Variants in GRM1 observed in about 807,000 individuals in gnomAD.
GRM1 encodes the protein metabotropic glutamate receptor 1.
Under a neutral mutation model 90.9 loss-of-function variants are expected in GRM1, and 33 were observed. The observed-to-expected ratio is 0.36, with a 90% CI of 0.28 to 0.49. The LOEUF (loss-of-function observed/expected upper bound fraction) is 0.49, where lower values mean the gene tolerates loss of function less well. Ranked by LOEUF, GRM1 falls within the 20% of genes least tolerant of loss-of-function variation. The pLI is 0.99. For missense variants in GRM1, 1,190 were observed against 1,534.3 expected (o/e 0.78, Z 3.75); for synonymous variants, 700 against 613.2 (o/e 1.14, Z -2.09).
intron 1 of GRM1, among the ~76,000 whole-genome samples, chr6:146,078,161 T>C (rs11755334): frequency 0.38 from 57,958 of 152,066 alleles, 11,618 homozygotes; most frequent in Middle Eastern, 0.51. Flanking sequence ...AGAATTTTCA[T>C]ACGGGCTGGG....
chr6:146,076,326 C>T (rs1345253300), intron 1 of GRM1, among the ~76,000 whole-genome samples: 2 of 152,136 alleles, frequency 1.3e-5, no homozygotes, highest in East Asian at 1.9e-4. Flanking sequence ...GTCTTAAATG[C>T]TTCACTCTGT....
intron 6 of GRM1, among the ~76,000 whole-genome samples, chr6:146,397,318 C>CA (rs1484610245): frequency 1.3e-5 from 2 of 151,088 alleles, no homozygotes; most frequent in South Asian, 2.1e-4. Flanking sequence ...AGTAAAAATA[C>CA]AAAAAATTAG....
intron 1 of GRM1, among the ~76,000 whole-genome samples, chr6:146,121,226 G>A (rs564258755): frequency 2.6e-5 from 4 of 152,252 alleles, no homozygotes; most frequent in Non-Finnish European, 5.9e-5. Flanking sequence ...TATTTGCGTC[G>A]AGGTGTTTAT....
intron 2 of GRM1, among the ~76,000 whole-genome samples, chr6:146,301,006 A>G (rs188856384): frequency 1.3e-5 from 2 of 152,336 alleles, no homozygotes; most frequent in African/African-American, 2.4e-5. Context: ...AAGATGAAAC[A>G]CTTTGAAAGT....
chr6:146,042,629 G>A (rs1791157027), intron 1 of GRM1, among the ~76,000 whole-genome samples: 1 of 151,854 alleles, frequency 6.6e-6, no homozygotes, highest in Non-Finnish European at 1.5e-5. Context: ...ATTCAATGAG[G>A]GAAATGGAAA....
intron 1 of GRM1, among the ~76,000 whole-genome samples, chr6:146,061,888 T>C (rs1275034103): frequency 6.6e-6 from 1 of 152,052 alleles, no homozygotes; most frequent in Admixed American, 6.6e-5. Flanking sequence ...CACTTTTACA[T>C]TGTTGATGGG....
At chr6:146,192,520 C>T (rs6911869) in intron 2 of GRM1, among the ~76,000 whole-genome samples, 259 of 152,150 alleles carry the variant, frequency 1.7e-3, no homozygotes, top group African/African-American at 5.7e-3. Flanking sequence ...ATAAAATACC[C>T]GATATATGTA....
intron 1 of GRM1, among the ~76,000 whole-genome samples, chr6:146,051,506 C>T (rs1775289019): frequency 6.6e-6 from 1 of 152,116 alleles, no homozygotes; most frequent in Non-Finnish European, 1.5e-5. Context: ...CATCTAACTG[C>T]TCCCATCCCT....
intron 2 of GRM1, among the ~76,000 whole-genome samples, chr6:146,297,509 G>A (rs768343681): frequency 2.0e-5 from 3 of 152,018 alleles, no homozygotes; most frequent in African/African-American, 4.8e-5. Flanking sequence ...AATGCAAAAC[G>A]TCAGGGGATA....
At chr6:146,333,075 C>T (rs1352640429) in intron 3 of GRM1, among the ~76,000 whole-genome samples, 2 of 152,146 alleles carry the variant, frequency 1.3e-5, no homozygotes, top group African/African-American at 4.8e-5. Context: ...CACTTGAATA[C>T]TTGTCTGTGA....
At chr6:146,173,944 C>T (rs770566112) in intron 2 of GRM1, among the ~76,000 whole-genome samples, 2 of 152,066 alleles carry the variant, frequency 1.3e-5, no homozygotes, top group Admixed American at 6.5e-5. Context: ...GTGTGAGCCA[C>T]CGCACCTGGC....
chr6:146,035,307 A>G (rs78685025), intron 1 of GRM1, among the ~76,000 whole-genome samples: 2 of 152,144 alleles, frequency 1.3e-5, no homozygotes, highest in African/African-American at 4.8e-5. Flanking sequence ...TTTGGTTTCA[A>G]GAAAGATACA....
chr6:146,214,889 G>C (rs557511089), intron 2 of GRM1, among the ~76,000 whole-genome samples: 1 of 152,280 alleles, frequency 6.6e-6, no homozygotes, highest in South Asian at 2.1e-4. Context: ...AAAAAGCATG[G>C]TATTCCTGGG....
chr6:146,421,026 A>G (rs1777971570), intron 7 of GRM1, among the ~76,000 whole-genome samples: 1 of 152,180 alleles, frequency 6.6e-6, no homozygotes, highest in Non-Finnish European at 1.5e-5. Context: ...CCATAATAAA[A>G]AGTTAATTTT....
At chr6:146,422,629 A>G (rs1008210604) in intron 7 of GRM1, among the ~76,000 whole-genome samples, 5 of 152,208 alleles carry the variant, frequency 3.3e-5, no homozygotes, top group African/African-American at 1.2e-4. Context: ...TCCTGATTCA[A>G]TGTCCAGAGA....
chr6:146,083,107 A>G (rs1776419425), intron 1 of GRM1, among the ~76,000 whole-genome samples: 1 of 152,146 alleles, frequency 6.6e-6, no homozygotes, highest in Non-Finnish European at 1.5e-5. Context: ...ACTTTGCTGA[A>G]GTTGCTTATC....
intron 7 of GRM1, among the ~76,000 whole-genome samples, chr6:146,420,864 A>G (rs1399250072): frequency 1.3e-5 from 2 of 152,204 alleles, no homozygotes; most frequent in African/African-American, 4.8e-5. Context: ...AAAAAGGATG[A>G]TAGAATTGCA....
chr6:146,057,176 C>A (rs1269037233), intron 1 of GRM1, among the ~76,000 whole-genome samples: 2 of 152,116 alleles, frequency 1.3e-5, no homozygotes, highest in African/African-American at 4.8e-5. Context: ...GACTTTTTAT[C>A]TTTTTCATCC....
intron 3 of GRM1, among the ~76,000 whole-genome samples, chr6:146,315,155 G>C (rs1285066018): frequency 6.6e-6 from 1 of 152,106 alleles, no homozygotes; most frequent in Non-Finnish European, 1.5e-5. Flanking sequence ...TTCAAGACCA[G>C]CCTGGGAACT....
Sources: allele counts gnomAD v4.1 joint callset (sites outside exome capture counted in the v4.1 genomes callset), GRCh38; gene constraint gnomAD v4.1.1; transcripts MANE v1.5; gene names NCBI Gene and HGNC (gene_info 2026-07-23, HGNC 2026-07-21).